POLN: variants seen among roughly 807,000 people sequenced by gnomAD.
The protein encoded by POLN is DNA polymerase N.
Under a neutral mutation model 113.5 loss-of-function variants are expected in POLN, and 108 were observed. That is an observed-to-expected ratio of 0.95 (90% CI 0.81 to 1.12). The LOEUF (loss-of-function observed/expected upper bound fraction) is 1.12, where lower values mean the gene tolerates loss of function less well. Ranked by LOEUF, POLN falls within the 50% of genes most tolerant of loss-of-function variation. The pLI, the probability that POLN is intolerant of heterozygous loss-of-function variation, is 0.00. For synonymous variants in POLN, 386 were observed against 391.5 expected (o/e 0.99, Z 0.17); for missense variants, 1,097 against 1,077.1 (o/e 1.02, Z -0.26).
intron 5 of POLN, among the ~76,000 whole-genome samples, chr4:2,207,488 A>G (rs550709158): frequency 6.6e-6 from 1 of 152,330 alleles, no homozygotes; most frequent in African/African-American, 2.4e-5. Flanking sequence ...AGACGTATAA[A>G]TAATATATCT....
At chr4:2,108,206 C>T (rs1240468420) in intron 19 of POLN, among the ~76,000 whole-genome samples, 2 of 152,220 alleles carry the variant, frequency 1.3e-5, no homozygotes, top group Non-Finnish European at 2.9e-5. Flanking sequence ...GAGGCATTGA[C>T]TTGCCAAGAC....
chr4:2,105,386 C>T lies in POLN; in HGVS notation c.1983-9453G>A, dbSNP rs139482318. Among the ~76,000 whole-genome samples, 6 of 152,270 alleles carry T rather than the reference C, an allele frequency of 3.9e-5. No individual in the cohort carries two copies. The East Asian group carries it at 9.7e-4, about 24-fold the overall frequency. Reference sequence around the variant, plus strand: ...TCAGCACCATGCAATTTGAAAACTTCCTTGCTGAAAACCATCCAACAGGCA... The same window carrying T: ...TCAGCACCATGCAATTTGAAAACTTTCTTGCTGAAAACCATCCAACAGGCA... On this transcript the variant is annotated intron_variant, in intron 19 of 25. Transcript: ENST00000511885.
At chr4:2,173,201 GA>G (rs932077781) in intron 11 of POLN, among the ~76,000 whole-genome samples, 6 of 152,300 alleles carry the variant, frequency 3.9e-5, no homozygotes, top group African/African-American at 1.2e-4. Context: ...CAGGACTCTG[GA>G]AAGTCTGTGC....
chr4:2,128,779 C>A (rs1353921857), intron 18 of POLN, among the ~76,000 whole-genome samples: 3 of 152,150 alleles, frequency 2.0e-5, no homozygotes, highest in Admixed American at 6.5e-5. Context: ...AAGAGGCCAG[C>A]CGCAGTGGCT....
At chr4:2,155,975 C>A (rs2108739696) in intron 16 of POLN, among the ~76,000 whole-genome samples, 1 of 152,158 alleles carries the variant, frequency 6.6e-6, no homozygotes, top group Admixed American at 6.5e-5. Flanking sequence ...CCTGAGACTA[C>A]AGGCACCCGC....
rs74671640 is a variant in POLN, at chr4:2,153,587, A to C, written c.1731+3201T>G. ...TTTAGAAATATCATGTTATTTGTAT[A>C]ATTTTTTTTTTTTTGAGATGGAGTC... On this transcript the variant is annotated intron_variant, in intron 16 of 25. Transcript: ENST00000511885. Among the ~76,000 whole-genome samples the C allele has an allele frequency of 6.1e-3, 919 of 151,566 alleles. 13 individuals carry two copies. The highest frequency in any genetic ancestry group is 0.022 in the African/African-American group (892 of 41,402).
At chr4:2,211,250 AAATAATAATAATAATAATAATAATAAT>A (rs71167780) in intron 4 of POLN, among the ~76,000 whole-genome samples, 4 of 139,824 alleles carry the variant, frequency 2.9e-5, no homozygotes, top group East Asian at 2.1e-4. Context: ...CTCCGTCTCC[AAATAATAATAATAATAATAATAATAAT>A]AATAATAATA....
rs1276827262 is a variant in POLN, at chr4:2,212,708, T to C, written c.213+339A>G. The stretch of plus-strand genomic sequence containing the variant: ...GCCTAGGTCGATCACCTCCTAATTA[T>C]CCAATAGATCTCAACTCAGATATAA... On this transcript the variant is annotated intron_variant, in intron 4 of 25. Coordinates refer to ENST00000511885, the MANE Select transcript of POLN (RefSeq NM_181808.4). Among the ~76,000 whole-genome samples the C allele has an allele frequency of 3.3e-5, 5 of 152,040 alleles. No homozygotes were observed. The South Asian group carries it at 8.3e-4, about 25-fold the overall frequency.
chr4:2,161,321 G>C (rs995011969), intron 13 of POLN, among the ~76,000 whole-genome samples: 1 of 152,216 alleles, frequency 6.6e-6, no homozygotes, highest in Non-Finnish European at 1.5e-5. Context: ...CAGGCCAGCT[G>C]GAGTTCAGGG....
intron 5 of POLN, among the ~76,000 whole-genome samples, chr4:2,206,826 G>A (rs1379037288): frequency 6.6e-6 from 1 of 152,188 alleles, no homozygotes; most frequent in East Asian, 1.9e-4. Flanking sequence ...CAATCACTAT[G>A]GCAAACAGTG....
chr4:2,209,621 C>T (rs190379482), intron 4 of POLN, among the ~76,000 whole-genome samples: 5 of 149,452 alleles, frequency 3.3e-5, no homozygotes, highest in Admixed American at 6.7e-5. Context: ...GACTTATTTA[C>T]GATAACACTT....
At chr4:2,194,565 G>C (rs1033736526) in intron 6 of POLN, among the ~76,000 whole-genome samples, 6 of 152,178 alleles carry the variant, frequency 3.9e-5, no homozygotes, top group Non-Finnish European at 8.8e-5. Flanking sequence ...TTATGAAGGA[G>C]AAGAACTGGG....
chr4:2,116,339 T>C (rs1298611152), intron 19 of POLN, among the ~76,000 whole-genome samples: 1 of 152,194 alleles, frequency 6.6e-6, no homozygotes, highest in Non-Finnish European at 1.5e-5. Flanking sequence ...TCTCCTTCCC[T>C]AGGCATGAGA....
chr4:2,079,650 T>C (rs1378921065), intron 23 of POLN: 5 of 965,668 alleles, frequency 5.2e-6, no homozygotes, highest in Non-Finnish European at 6.2e-6. Flanking sequence ...AGTGGTGCGA[T>C]CTTGGCACAC....
chr4:2,217,458 T>C (rs1446718424), intron 3 of POLN, among the ~76,000 whole-genome samples: 2 of 152,146 alleles, frequency 1.3e-5, no homozygotes, highest in Non-Finnish European at 2.9e-5. Flanking sequence ...TGCCTGCTTG[T>C]ACCTAGTACT....
At chr4:2,239,676 C>A (rs1267925657) in intron 2 of POLN, among the ~76,000 whole-genome samples, 1 of 152,168 alleles carries the variant, frequency 6.6e-6, no homozygotes, top group Non-Finnish European at 1.5e-5. Context: ...CTGGTTGGAG[C>A]AAACGAGGCA....
chr4:2,149,003 C>T (rs949585088), intron 16 of POLN, among the ~76,000 whole-genome samples: 14 of 152,098 alleles, frequency 9.2e-5, no homozygotes, highest in Non-Finnish European at 1.9e-4. Context: ...GCACAGTGAC[C>T]TGTCACTGTG....
At chr4:2,124,757 T>C (rs918450013) in intron 19 of POLN, among the ~76,000 whole-genome samples, 14 of 152,150 alleles carry the variant, frequency 9.2e-5, no homozygotes, top group African/African-American at 3.4e-4. Flanking sequence ...TGTGGAGGCT[T>C]TGACTTGTCC....
rs984103241 is a variant in POLN at position 2,241,713 on chromosome 4, C to T, written c.-206G>A. On this transcript the variant is annotated 5_prime_UTR_variant, in exon 2 of 26. Coordinates refer to ENST00000511885, the MANE Select transcript of POLN (RefSeq NM_181808.4). ...CGGCAAGCCCCAGGGATCCGCGGCC[C>T]CAAGGCCGCGATACACCAGACGCGC... 2.0e-6 allele frequency: 2 copies of T among 985,390 alleles called. No homozygotes were observed. The highest frequency in any genetic ancestry group is 2.4e-6 in the Non-Finnish European group (2 of 829,970). 61.0% of individuals were successfully genotyped at this position (985,390 alleles called of 1,614,324 possible).
Sources: allele counts gnomAD v4.1 joint callset (sites outside exome capture counted in the v4.1 genomes callset), GRCh38; gene constraint gnomAD v4.1.1; transcripts MANE v1.5; gene names NCBI Gene and HGNC (gene_info 2026-07-23, HGNC 2026-07-21).